Variants in L3MBTL4 observed in about 807,000 individuals in gnomAD.
The protein encoded by L3MBTL4 is lethal(3)malignant brain tumor-like protein 4.
In L3MBTL4, 70 loss-of-function variants were observed where a neutral mutation model predicts 84.5. That is an observed-to-expected ratio of 0.83 (90% confidence interval 0.68 to 1.01). L3MBTL4 has a LOEUF of 1.01. L3MBTL4 is among the 50% of genes least tolerant of loss of function. L3MBTL4 has a pLI of 0.00. For missense variants in L3MBTL4, 715 were observed against 754.8 expected (o/e 0.95, Z 0.62); for synonymous variants, 274 against 259.8 (o/e 1.05, Z -0.52).
At chr18:6,149,619 G>A (rs555203409) in intron 13 of L3MBTL4, among the ~76,000 whole-genome samples, 4 of 152,132 alleles carry the variant, frequency 2.6e-5, no homozygotes, top group African/African-American at 7.2e-5. Context: ...CTGAGGAATC[G>A]CCACACTGAC....
rs113897366 is a variant in L3MBTL4, at chr18:5,974,971, G to T, written c.1445-5409C>A. On this transcript the variant is annotated intron_variant, in intron 16 of 18. Coordinates refer to ENST00000317931, the MANE Select transcript of L3MBTL4 (RefSeq NM_001330559.2). Reference sequence around the variant, plus strand: ...AGAGAAACCCTGTCTCTATTGTTTTGTTTTTTTTTTTTAAAAAGAGGAAGA... The same window carrying T: ...AGAGAAACCCTGTCTCTATTGTTTTTTTTTTTTTTTTTAAAAAGAGGAAGA... 7.2e-3 allele frequency among the ~76,000 whole-genome samples: 1,025 copies of T among 142,310 alleles called. 15 individuals are homozygous for T. The highest frequency in any genetic ancestry group is 0.024 in the African/African-American group (931 of 38,532). 93.4% of individuals were successfully genotyped at this position (142,310 alleles called of 152,430 possible). A position where few individuals can be genotyped will look rare whatever the true frequency, so the allele number is the denominator to read the frequency against.
intron 16 of L3MBTL4, among the ~76,000 whole-genome samples, chr18:6,040,727 A>G (rs909889389): frequency 1.3e-5 from 2 of 152,124 alleles, no homozygotes; most frequent in African/African-American, 4.8e-5. Flanking sequence ...AAGAACCTAC[A>G]TTAGTCCTAG....
intron 16 of L3MBTL4, among the ~76,000 whole-genome samples, chr18:5,987,680 T>C (rs2053525349): frequency 6.6e-6 from 1 of 152,048 alleles, no homozygotes; most frequent in African/African-American, 2.4e-5. Flanking sequence ...TAAAAGTTCA[T>C]AAAACAAAAC....
At chr18:6,343,617 G>A (rs765089815) in intron 1 of L3MBTL4, among the ~76,000 whole-genome samples, 17 of 143,936 alleles carry the variant, frequency 1.2e-4, no homozygotes, top group Admixed American at 1.4e-4. Flanking sequence ...AGTCAAGATC[G>A]CACCACTGCA....
chr18:6,240,700 T>C (rs1217658449), intron 8 of L3MBTL4, among the ~76,000 whole-genome samples: 1 of 152,192 alleles, frequency 6.6e-6, no homozygotes, highest in African/African-American at 2.4e-5. Context: ...TTTTAATAGC[T>C]CCTTTTCTTG....
intron 14 of L3MBTL4, among the ~76,000 whole-genome samples, chr18:6,099,382 C>T (rs1260104084): frequency 1.3e-5 from 2 of 151,002 alleles, no homozygotes; most frequent in African/African-American, 4.9e-5. Flanking sequence ...TTTCATCTGA[C>T]TGAAATTGTT....
intron 1 of L3MBTL4, among the ~76,000 whole-genome samples, chr18:6,312,525 G>A (rs953732262): frequency 1.1e-4 from 16 of 152,094 alleles, no homozygotes; most frequent in Non-Finnish European, 2.1e-4. Context: ...TGTTCAGACT[G>A]TACACCACCC....
chr18:6,384,292 T>TAC lies in L3MBTL4; in HGVS notation c.-91+30507_-91+30508dup, dbSNP rs552134699. On this transcript the variant is annotated intron_variant, in intron 1 of 18. Transcript: ENST00000317931. Reference sequence around the variant, plus strand: ...ACACACTCATATATATACATATATATACACACACACAAACCATACATACAA... The same window carrying TAC: ...ACACACTCATATATATACATATATATACACACACACACAAACCATACATACAA... 1.7e-3 allele frequency among the ~76,000 whole-genome samples: 265 copies of TAC among 152,130 alleles called. 1 individual carries two copies. The highest frequency in any genetic ancestry group is 3.4e-3 in the Middle Eastern group (1 of 294).
intron 15 of L3MBTL4, chr18:6,081,184 T>C (rs951645098): frequency 5.5e-6 from 2 of 366,480 alleles, no homozygotes; most frequent in Admixed American, 9.4e-5. Context: ...CCCCTCATTC[T>C]ATTACAGTAA....
intron 3 of L3MBTL4, among the ~76,000 whole-genome samples, chr18:6,308,117 T>C (rs16949851): frequency 0.19 from 28,774 of 152,048 alleles, 2,857 homozygotes; most frequent in African/African-American, 0.23. Flanking sequence ...AAAAATCTAG[T>C]AAAGGGCACC....
At chr18:6,353,228 C>T (rs1038097933) in intron 1 of L3MBTL4, among the ~76,000 whole-genome samples, 1 of 150,134 alleles carries the variant, frequency 6.7e-6, no homozygotes, top group Non-Finnish European at 1.5e-5. Context: ...ACAGTTCATA[C>T]AGTTCATGAG....
chr18:6,057,042 T>G (rs573673565), intron 16 of L3MBTL4, among the ~76,000 whole-genome samples: 164 of 152,262 alleles, frequency 1.1e-3, no homozygotes, highest in Non-Finnish European at 1.9e-3. Context: ...TTTTTCTTTT[T>G]TTTTTTAAGA....
rs2052521244 is a variant in L3MBTL4 at position 5,969,405 on chromosome 18, C to T, written c.1602G>A (p.Trp534Ter). 6.2e-7 allele frequency: 1 copy of T among 1,613,888 alleles called. No individual in the cohort carries two copies. Among genetic ancestry groups the T allele is most frequent in the Non-Finnish European group, 8.5e-7 (1 of 1,180,034 alleles). ...ADIRASQVAR[W>*]TVDEVAEFVQ... ...CAGCTCCACTCACCTCATCCACAGTCCAACGTGCCACTTGGCTGGCCCGGA... is the reference window on the plus strand; with the variant it reads ...CAGCTCCACTCACCTCATCCACAGTTCAACGTGCCACTTGGCTGGCCCGGA... The change falls in exon 17 of 19, where the codon TGG (tryptophan) becomes TGA (stop). Residue 534 changes from tryptophan to a stop codon, truncating the protein, a stop_gained. Transcript: ENST00000317931. LOFTEE classifies it high-confidence loss of function.
intron 11 of L3MBTL4, among the ~76,000 whole-genome samples, chr18:6,214,500 G>T (rs940783609): frequency 1.3e-5 from 2 of 152,182 alleles, no homozygotes; most frequent in Non-Finnish European, 2.9e-5. Flanking sequence ...AAACAAAAGT[G>T]TTTTGAATTT....
At chr18:6,377,631 G>A (rs561502528) in intron 1 of L3MBTL4, among the ~76,000 whole-genome samples, 61 of 152,236 alleles carry the variant, frequency 4.0e-4, no homozygotes, top group African/African-American at 1.4e-3. Context: ...CTTCATCCAT[G>A]TCTCTGCAAA....
intron 12 of L3MBTL4, among the ~76,000 whole-genome samples, chr18:6,192,285 T>C (rs1418087058): frequency 6.6e-6 from 1 of 152,042 alleles, no homozygotes; most frequent in African/African-American, 2.4e-5. Context: ...TATTTGTTGA[T>C]GGAAATTGTC....
At chr18:6,300,701 C>A (rs1044060629) in intron 4 of L3MBTL4, among the ~76,000 whole-genome samples, 1 of 152,080 alleles carries the variant, frequency 6.6e-6, no homozygotes, top group African/African-American at 2.4e-5. Flanking sequence ...AATAAGACAA[C>A]CTAAAACAAT....
intron 1 of L3MBTL4, among the ~76,000 whole-genome samples, chr18:6,334,904 T>C (rs1379716726): frequency 6.6e-6 from 1 of 152,166 alleles, no homozygotes; most frequent in Non-Finnish European, 1.5e-5. Flanking sequence ...ATTAAATATA[T>C]TTCTGAAATG....
At chr18:6,104,938 A>G (rs2058952977) in intron 14 of L3MBTL4, among the ~76,000 whole-genome samples, 1 of 152,172 alleles carries the variant, frequency 6.6e-6, no homozygotes, top group Admixed American at 6.5e-5. Flanking sequence ...CTTGATAGAA[A>G]TAAGAACCCA....
Sources: allele counts gnomAD v4.1 joint callset (sites outside exome capture counted in the v4.1 genomes callset), GRCh38; gene constraint gnomAD v4.1.1; transcripts MANE v1.5; gene names NCBI Gene and HGNC (gene_info 2026-07-23, HGNC 2026-07-21).